Variants in RHOBTB2 observed in about 807,000 individuals in gnomAD.
The protein encoded by RHOBTB2 is Rho related BTB domain containing 2.
Under a neutral mutation model 66.5 loss-of-function variants are expected in RHOBTB2, and 39 were observed. The ratio of observed to expected loss-of-function variants is 0.59; its 90% CI spans 0.45 to 0.77. The LOEUF (loss-of-function observed/expected upper bound fraction) is 0.77. Ranked by LOEUF, RHOBTB2 falls within the 30% of genes least tolerant of loss-of-function variation. The pLI is 0.00. For missense variants in RHOBTB2, 755 were observed against 999.1 expected (o/e 0.76, Z 3.29); for synonymous variants, 390 against 395.0 (o/e 0.99, Z 0.15).
At chr8:22,991,751 G>A (rs1441297885) in intron 1 of RHOBTB2, among the ~76,000 whole-genome samples, 4 of 152,208 alleles carry the variant, frequency 2.6e-5, no homozygotes, top group African/African-American at 4.8e-5. Context: ...GGTCCAGCCT[G>A]GAACTCTGCA....
At chr8:22,992,780 T>C (rs2128797442) in intron 2 of RHOBTB2, among the ~76,000 whole-genome samples, 2 of 152,360 alleles carry the variant, frequency 1.3e-5, no homozygotes, top group Admixed American at 1.3e-4. Context: ...ATTTCTTTAC[T>C]GAAGTCGGAG....
the RHOBTB2 span, among the ~76,000 whole-genome samples, chr8:22,956,364 T>C: frequency 6.6e-6 from 1 of 152,200 alleles, no homozygotes; most frequent in African/African-American, 2.4e-5. Flanking sequence ...AATTGGATCA[T>C]GGGACCAGTT....
At chr8:22,987,152 G>T (rs1395571592), upstream of RHOBTB2, among the ~76,000 whole-genome samples, 1 of 152,270 alleles carries the variant, frequency 6.6e-6, no homozygotes, top group African/African-American at 2.4e-5. Context: ...GTCACCAGGG[G>T]CTGAGAAGAA....
At position 23,007,344 on chromosome 8, in the gene RHOBTB2, A is replaced by AGCGACGGGATCTTACGGG. The variant is rs1252916680; in HGVS notation, c.1102_1119dup (p.Asp368_Gly373dup). 2.5e-6 allele frequency: 4 copies of AGCGACGGGATCTTACGGG among 1,613,624 alleles called. No individual in the cohort carries two copies. In the African/African-American group the frequency reaches 5.3e-5, roughly 22 times the overall value. On this transcript the variant is annotated inframe_insertion, in exon 5 of 10. Coordinates refer to ENST00000251822, the MANE Select transcript of RHOBTB2 (RefSeq NM_015178.3). The stretch of plus-strand genomic sequence containing the variant: ...TCCTGCTGGCCTCCGTGCTTCCACC[A>AGCGACGGGATCTTACGGG]GCGACGGGATCTTACGGGGCAACGG...
In RHOBTB2 at chr8:22,999,632, TC is replaced by T. The variant is rs575910344; in HGVS notation, c.-481del. Reference sequence around the variant, plus strand: ...CCGTTTTTTTCTTTTCTTTTTTTTTTCCCTATCCTTTTTTTGTGAATGAAAA... The same window carrying T: ...CCGTTTTTTTCTTTTCTTTTTTTTTTCCTATCCTTTTTTTGTGAATGAAAA... On this transcript the variant is annotated 5_prime_UTR_variant, in exon 1 of 10. Transcript: ENST00000251822. 7.5e-5 allele frequency: 93 copies of T among 1,245,080 alleles called. No individual in the cohort carries two copies. Among genetic ancestry groups the T allele is most frequent in the Non-Finnish European group, 8.8e-5 (86 of 972,312 alleles). 77.1% of individuals were successfully genotyped at this position (1,245,080 alleles called of 1,614,324 possible).
chr8:23,005,484 G>A lies in RHOBTB2; in HGVS notation c.296+9G>A. 6.4e-7 allele frequency: 1 copy of A among 1,563,040 alleles called. No homozygotes were observed. Among genetic ancestry groups the A allele is most frequent in the Non-Finnish European group, 8.8e-7 (1 of 1,133,710 alleles). ...CGCTTTGCTTATGGGAGGTAGGGAA[G>A]GCCTCTAGCCGCCTGCAGAGAACCA... On this transcript the variant is annotated intron_variant, in intron 3 of 9. Transcript: ENST00000251822.
intron 9 of RHOBTB2, among the ~76,000 whole-genome samples, chr8:23,016,239 G>A (rs545443115): frequency 2.0e-5 from 3 of 151,472 alleles, no homozygotes; most frequent in African/African-American, 7.3e-5. Flanking sequence ...AGGCTCCAGG[G>A]AGAGGTGTCC....
chr8:22,966,046 T>C, the RHOBTB2 span, among the ~76,000 whole-genome samples: 1 of 152,238 alleles, frequency 6.6e-6, no homozygotes, highest in East Asian at 1.9e-4. Context: ...ATACTCAGAA[T>C]ATATAGAAAA....
upstream of RHOBTB2, among the ~76,000 whole-genome samples, chr8:22,996,145 C>T (rs1280052699): frequency 1.3e-5 from 2 of 152,138 alleles, no homozygotes; most frequent in Non-Finnish European, 1.5e-5. Flanking sequence ...AAACAGCAGC[C>T]GCGTGATGGC....
In RHOBTB2 at chr8:23,004,204, G is replaced by C. The variant is rs556971589; in HGVS notation, c.-10-221G>C. ...TCGTGGGAGCAGGAAGGGGACAGGTGGCCCATCTGGTGACACTGCTCCTCT... is the reference window on the plus strand; with the variant it reads ...TCGTGGGAGCAGGAAGGGGACAGGTCGCCCATCTGGTGACACTGCTCCTCT... On this transcript the variant is annotated intron_variant, in intron 1 of 9. Coordinates refer to ENST00000251822, the MANE Select transcript of RHOBTB2 (RefSeq NM_015178.3). The surrounding 1 kb of genome is among the most constrained non-coding windows in gnomAD (Gnocchi z 6.4). 2.8e-5 allele frequency: 16 copies of C among 573,890 alleles called. No individual in the cohort carries two copies. Among genetic ancestry groups the C allele is most frequent in the Non-Finnish European group, 4.7e-5 (15 of 319,570 alleles). The allele number at this position is 573,890 out of a possible 1,614,324, so 35.5% of individuals were successfully genotyped here.
At chr8:23,005,079 T>C (rs1481675044) in intron 2 of RHOBTB2, among the ~76,000 whole-genome samples, 2 of 152,118 alleles carry the variant, frequency 1.3e-5, no homozygotes, top group East Asian at 3.9e-4. Context: ...TAGCAGTCCC[T>C]TAGGGTCTCT....
chr8:22,974,934 C>T, the RHOBTB2 span, among the ~76,000 whole-genome samples: 6 of 152,270 alleles, frequency 3.9e-5, no homozygotes, highest in African/African-American at 1.4e-4. Context: ...AATTGTCCCT[C>T]TTCATCTGGG....
intron 7 of RHOBTB2, among the ~76,000 whole-genome samples, chr8:23,012,826 T>TA (rs1388543216): frequency 6.6e-6 from 1 of 152,032 alleles, no homozygotes; most frequent in Non-Finnish European, 1.5e-5. Flanking sequence ...TTTATTGACA[T>TA]AGAGTCTCAC....
chr8:23,006,720 C>A lies in RHOBTB2; in HGVS notation c.483-8C>A. 1 of 1,599,242 alleles carries A rather than the reference C, an allele frequency of 6.3e-7. No homozygotes were observed. The highest frequency in any genetic ancestry group is 8.5e-7 in the Non-Finnish European group (1 of 1,170,022). On this transcript the variant is annotated splice_polypyrimidine_tract_variant and splice_region_variant and intron_variant, in intron 4 of 9. Transcript: ENST00000251822. This position sits in a 1 kb window ranked among gnomAD's most constrained non-coding sequence, Gnocchi z 6.1. ...ACACAAGCTTGGTTTCCTTCTTGAA[C>A]CTACCAGGCCCATCAAACCTAATGA...
intron 1 of RHOBTB2, among the ~76,000 whole-genome samples, chr8:22,989,118 A>G (rs1244269597): frequency 6.6e-6 from 1 of 152,152 alleles, no homozygotes; most frequent in East Asian, 1.9e-4. Context: ...AATTGAGTTA[A>G]AAGTCACGTG....
In RHOBTB2 at chr8:23,004,115, G is replaced by A. The variant is rs1294053873; in HGVS notation, c.-10-310G>A. ...CTCTCTGGAGAGGGGACAGGGCAGG[G>A]CCTCGGCAAGCTCCACTGGTGATCT... On this transcript the variant is annotated intron_variant, in intron 1 of 9. Transcript: ENST00000251822. The surrounding 1 kb of genome is among the most constrained non-coding windows in gnomAD (Gnocchi z 6.4). 4.9e-6 allele frequency: 2 copies of A among 408,312 alleles called. No homozygotes were observed. The highest frequency in any genetic ancestry group is 9.3e-6 in the Non-Finnish European group (2 of 214,858). 25.3% of individuals were successfully genotyped at this position (408,312 alleles called of 1,614,324 possible).
chr8:22,954,862 T>C, the RHOBTB2 span, among the ~76,000 whole-genome samples: 1 of 152,222 alleles, frequency 6.6e-6, no homozygotes, highest in Admixed American at 6.5e-5. Context: ...CTGGGTGCGG[T>C]GGCTCACGCC....
chr8:22,951,241 GCTCT>G, the RHOBTB2 span, among the ~76,000 whole-genome samples: 10 of 127,308 alleles, frequency 7.9e-5, no homozygotes, highest in Non-Finnish European at 1.6e-4. Flanking sequence ...TTTCTACTTA[GCTCT>G]TTTTTTTTTT....
At chr8:22,974,907 C>A in the RHOBTB2 span, among the ~76,000 whole-genome samples, 3 of 152,200 alleles carry the variant, frequency 2.0e-5, no homozygotes, top group African/African-American at 7.2e-5. Flanking sequence ...GGAAATGCCT[C>A]ACCCACTAAG....
Sources: allele counts gnomAD v4.1 joint callset (sites outside exome capture counted in the v4.1 genomes callset), GRCh38; gene constraint gnomAD v4.1.1; non-coding constraint Gnocchi (gnomAD v3.1); transcripts MANE v1.5; gene names NCBI Gene and HGNC (gene_info 2026-07-23, HGNC 2026-07-21).